Variants in RANBP9 observed in about 807,000 individuals in gnomAD.
The protein encoded by RANBP9 is ran-binding protein 9.
A neutral mutation model predicts 84.3 loss-of-function variants in RANBP9; 15 were observed. That is an observed-to-expected ratio of 0.18 (90% CI 0.12 to 0.27). RANBP9 has a LOEUF of 0.27. RANBP9 is among the 10% of genes least tolerant of loss of function. The pLI, the probability that RANBP9 is intolerant of heterozygous loss-of-function variation, is 1.00. For synonymous variants in RANBP9, 392 were observed against 349.6 expected (o/e 1.12, Z -1.35); for missense variants, 809 against 912.8 (o/e 0.89, Z 1.46).
chr6:13,704,980 T>C (rs1584951612), intron 1 of RANBP9, among the ~76,000 whole-genome samples: 1 of 152,202 alleles, frequency 6.6e-6, no homozygotes, highest in African/African-American at 2.4e-5. Context: ...CTCTCTGAAT[T>C]CAATGACAGT....
Position 13,634,425 on chromosome 6 carries a change from G to A in RANBP9, c.1795+6C>T. On this transcript the variant is annotated splice_donor_region_variant and intron_variant, in intron 11 of 13. Coordinates refer to ENST00000011619, the MANE Select transcript of RANBP9 (RefSeq NM_005493.3). ...TATTAAAAATGTAAGAAATATCACT[G>A]CAGACCCATTTCGGTGTCACAATCT... 6.2e-7 allele frequency: 1 copy of A among 1,612,750 alleles called. No individual in the cohort carries two copies.
At position 13,652,175 on chromosome 6, in the gene RANBP9, A is replaced by C. The variant is rs151314007; in HGVS notation, c.927+484T>G. 3.3e-3 allele frequency among the ~76,000 whole-genome samples: 505 copies of C among 152,180 alleles called. 8 individuals are homozygous for C. Among genetic ancestry groups the C allele is most frequent in the African/African-American group, 0.011 (470 of 41,518 alleles). On this transcript the variant is annotated intron_variant, in intron 5 of 13. Coordinates refer to ENST00000011619, the MANE Select transcript of RANBP9 (RefSeq NM_005493.3). ...CCAAAGTATACTTAACACCCTTAAA[A>C]TATGTTCTACTTTACTTGTTTTTCA...
chr6:13,633,903 T>C (rs1425191082), intron 11 of RANBP9, among the ~76,000 whole-genome samples: 1 of 151,296 alleles, frequency 6.6e-6, no homozygotes, highest in Admixed American at 6.6e-5. Context: ...AAATTATGCA[T>C]GCTAATGTGT....
intron 1 of RANBP9, among the ~76,000 whole-genome samples, chr6:13,703,271 G>A (rs934245112): frequency 5.9e-5 from 9 of 152,092 alleles, no homozygotes; most frequent in African/African-American, 2.2e-4. Flanking sequence ...GTGTTCTTCA[G>A]GGTCCCCATC....
rs199870894 is a variant in RANBP9, at chr6:13,628,629, T to TA, written c.1948-2866dup. Among the ~76,000 whole-genome samples, 789 of 152,144 alleles carry TA rather than the reference T, an allele frequency of 5.2e-3. 10 individuals carry two copies. The highest frequency in any genetic ancestry group is 0.017 in the African/African-American group (711 of 41,532). On this transcript the variant is annotated intron_variant, in intron 12 of 13. Transcript: ENST00000011619. ...AACAAAACTAACAGAGCCTTAAAAA[T>TA]AAAAAATGGTTTATACCATCAAACT...
chr6:13,657,786 A>G lies in RANBP9; in HGVS notation c.737-510T>C, dbSNP rs149373425. 7.7e-3 allele frequency among the ~76,000 whole-genome samples: 1,170 copies of G among 152,294 alleles called. 11 individuals carry two copies. Among genetic ancestry groups the G allele is most frequent in the African/African-American group, 0.026 (1,096 of 41,552 alleles). On this transcript the variant is annotated intron_variant, in intron 3 of 13. Transcript: ENST00000011619. ...GATTTTTACCTTATCAGTTACTTCTATAAGGAGTTTTCAAATAATAAAAAC... is the reference window on the plus strand; with the variant it reads ...GATTTTTACCTTATCAGTTACTTCTGTAAGGAGTTTTCAAATAATAAAAAC...
At chr6:13,701,244 TC>T (rs1287503573) in intron 1 of RANBP9, among the ~76,000 whole-genome samples, 1 of 152,130 alleles carries the variant, frequency 6.6e-6, no homozygotes, top group Non-Finnish European at 1.5e-5. Context: ...CCTTCCATAC[TC>T]CCACACTGGA....
chr6:13,651,205 C>G (rs1765287542), intron 5 of RANBP9, among the ~76,000 whole-genome samples: 1 of 151,902 alleles, frequency 6.6e-6, no homozygotes, highest in Non-Finnish European at 1.5e-5. Flanking sequence ...TTTTTTCCCC[C>G]TTGGTGTCAC....
chr6:13,667,112 A>G (rs1191879064), intron 2 of RANBP9, among the ~76,000 whole-genome samples: 1 of 152,224 alleles, frequency 6.6e-6, no homozygotes, highest in Non-Finnish European at 1.5e-5. Flanking sequence ...ATGAACATGA[A>G]GATTTTTCAG....
Position 13,641,414 on chromosome 6 carries a change from G to T in RANBP9, c.1226-107C>A, listed in dbSNP as rs1442639132. 1.8e-5 allele frequency: 12 copies of T among 649,296 alleles called. No homozygotes were observed. In the East Asian group the frequency reaches 3.9e-4, roughly 21 times the overall value. 40.2% of individuals were successfully genotyped at this position (649,296 alleles called of 1,614,324 possible). The stretch of plus-strand genomic sequence containing the variant: ...AGTAAGAAATCTTTAAATAAATTAT[G>T]ATTAATTTCAATTTCTTTCTCTAAC... On this transcript the variant is annotated intron_variant, in intron 7 of 13. Transcript: ENST00000011619.
At chr6:13,687,749 A>G (rs1376584476) in intron 2 of RANBP9, among the ~76,000 whole-genome samples, 1 of 152,194 alleles carries the variant, frequency 6.6e-6, no homozygotes, top group Non-Finnish European at 1.5e-5. Context: ...TTATTATTAC[A>G]ATAACCCAAC....
At chr6:13,686,282 T>G (rs1006547290) in intron 2 of RANBP9, among the ~76,000 whole-genome samples, 2 of 151,578 alleles carry the variant, frequency 1.3e-5, no homozygotes, top group Non-Finnish European at 2.9e-5. Context: ...TTTTATTATT[T>G]TTATTTATTT....
At chr6:13,652,509 G>T in intron 5 of RANBP9, 150 bp downstream of exon 5, 1 of 683,614 alleles carries the variant, frequency 1.5e-6, no homozygotes, top group Non-Finnish European at 2.3e-6. Context: ...ACCCAAGGTG[G>T]TTAGAGAAAA....
chr6:13,649,782 CA>C (rs1372403486), intron 5 of RANBP9, among the ~76,000 whole-genome samples: 4 of 152,124 alleles, frequency 2.6e-5, no homozygotes, highest in African/African-American at 9.7e-5. Context: ...CAAAGTCCTC[CA>C]GAGTTATCCA....
chr6:13,642,440 C>A, intron 7 of RANBP9, 39 bp downstream of exon 7: 1 of 1,221,560 alleles, frequency 8.2e-7, no homozygotes, highest in African/African-American at 1.6e-5. Context: ...AATCTATAAT[C>A]TGAAAACAAA....
At chr6:13,654,446 T>C (rs995303266) in intron 4 of RANBP9, among the ~76,000 whole-genome samples, 3 of 152,320 alleles carry the variant, frequency 2.0e-5, no homozygotes, top group African/African-American at 7.2e-5. Context: ...TTTCCTTATA[T>C]AGTAAACAAA....
intron 2 of RANBP9, 34 bp from the exon 3 acceptor site, chr6:13,658,866 A>G: frequency 6.6e-7 from 1 of 1,513,242 alleles, no homozygotes; most frequent in Non-Finnish European, 9.2e-7. Context: ...GAAGAAAAGG[A>G]CATTATTACA....
At chr6:13,676,425 C>G (rs1249141922) in intron 2 of RANBP9, among the ~76,000 whole-genome samples, 1 of 152,014 alleles carries the variant, frequency 6.6e-6, no homozygotes, top group Non-Finnish European at 1.5e-5. Context: ...AGAAAATACA[C>G]TCAGAGGGTA....
chr6:13,656,988 G>A, intron 4 of RANBP9, 121 bp downstream of exon 4: 1 of 945,296 alleles, frequency 1.1e-6, no homozygotes, highest in Non-Finnish European at 1.5e-6. Context: ...GAAAAAGAAA[G>A]AAACCATTTC....
Sources: allele counts gnomAD v4.1 joint callset (sites outside exome capture counted in the v4.1 genomes callset), GRCh38; gene constraint gnomAD v4.1.1; transcripts MANE v1.5; gene names NCBI Gene and HGNC (gene_info 2026-07-23, HGNC 2026-07-21).